The following ATF6 variants were observed in gnomAD, a reference collection of about 807,000 sequenced individuals.
ATF6 encodes the protein activating transcription factor 6, also known as cyclic AMP-dependent transcription factor ATF-6 alpha.
ATF6 carries 53 observed loss-of-function variants against 83.6 expected under a neutral mutation model. That is an observed-to-expected ratio of 0.63 (90% CI 0.51 to 0.80). ATF6 has a LOEUF of 0.80. Among genes scored for constraint, ATF6 ranks in the 30% least tolerant of loss-of-function variants. The pLI, the probability that ATF6 is intolerant of heterozygous loss-of-function variation, is 0.00. For synonymous variants in ATF6, 288 were observed against 285.8 expected, an observed-to-expected ratio of 1.01 and a Z score of -0.08; for missense variants, 744 against 797.9, an observed-to-expected ratio of 0.93 and a Z score of 0.81.
intron 1 of ATF6, among the ~76,000 whole-genome samples, chr1:161,767,461 C>T (rs1684291087): frequency 1.3e-5 from 2 of 152,116 alleles, no homozygotes; most frequent in South Asian, 4.1e-4. Context: ...ATTTTTTATT[C>T]CCATTTTCCC....
chr1:161,902,441 C>T (rs774675097), intron 14 of ATF6, among the ~76,000 whole-genome samples: 8 of 152,228 alleles, frequency 5.3e-5, no homozygotes, highest in African/African-American at 2.4e-5. Context: ...CTGTATGTGG[C>T]GGTGAAGAAT....
chr1:161,898,006 T>A (rs906831472), intron 14 of ATF6, among the ~76,000 whole-genome samples: 4 of 152,196 alleles, frequency 2.6e-5, no homozygotes, highest in Non-Finnish European at 4.4e-5. Context: ...CTAAACCTGC[T>A]CTTGTGGTAT....
intron 15 of ATF6, among the ~76,000 whole-genome samples, chr1:161,945,548 C>T (rs967853636): frequency 1.3e-5 from 2 of 152,136 alleles, no homozygotes; most frequent in Non-Finnish European, 2.9e-5. Flanking sequence ...ATCCTTACTG[C>T]GTTTATTCTT....
At chr1:161,783,556 A>T (rs886543703) in intron 3 of ATF6, among the ~76,000 whole-genome samples, 27 of 151,988 alleles carry the variant, frequency 1.8e-4, no homozygotes, top group Admixed American at 4.6e-4. Context: ...ATTTTTTTAA[A>T]TTTTTTGGGA....
chr1:161,800,710 C>A (rs934623522), intron 6 of ATF6, among the ~76,000 whole-genome samples: 1 of 152,164 alleles, frequency 6.6e-6, no homozygotes, highest in African/African-American at 2.4e-5. Context: ...CTACTGTACC[C>A]TCTATTTTAT....
At chr1:161,886,488 A>G (rs1330049945) in intron 14 of ATF6, among the ~76,000 whole-genome samples, 1 of 152,268 alleles carries the variant, frequency 6.6e-6, no homozygotes, top group Non-Finnish European at 1.5e-5. Context: ...GTCATAGAGT[A>G]TACTTACACA....
chr1:161,899,954 T>C (rs1687748999), intron 14 of ATF6, among the ~76,000 whole-genome samples: 1 of 152,192 alleles, frequency 6.6e-6, no homozygotes, highest in South Asian at 2.1e-4. Context: ...AGTTCCCAGC[T>C]GGGACCACTG....
At chr1:161,790,693 T>G (rs1684854055) in intron 4 of ATF6, among the ~76,000 whole-genome samples, 4 of 152,078 alleles carry the variant, frequency 2.6e-5, no homozygotes, top group Admixed American at 2.6e-4. Flanking sequence ...CATCTGTGGT[T>G]GTAGCTACTC....
chr1:161,906,084 C>T (rs960893496), intron 14 of ATF6, among the ~76,000 whole-genome samples: 76 of 152,284 alleles, frequency 5.0e-4, no homozygotes, highest in Middle Eastern at 3.4e-3. Context: ...CCATCTGCCT[C>T]GGCCTCCGAA....
At chr1:161,831,344 G>C (rs534718607) in intron 9 of ATF6, among the ~76,000 whole-genome samples, 21 of 152,304 alleles carry the variant, frequency 1.4e-4, no homozygotes, top group Admixed American at 2.6e-4. Context: ...TACACTGTTG[G>C]TGGGACTGTA....
rs149678207 is a variant in ATF6, at chr1:161,828,655, A to T, written c.1187+7494A>T. On this transcript the variant is annotated intron_variant, in intron 9 of 15. Transcript: ENST00000367942. ...CTATCTTGGTTTTGGCTTTAGTTAG[A>T]GTGGAAACAAATGAAAAGTCTTTCC... is the stretch of plus-strand genomic sequence containing the variant. Among the ~76,000 whole-genome samples, 681 of 152,328 alleles carry T rather than the reference A, an allele frequency of 4.5e-3. 4 individuals carry two copies. The highest frequency in any genetic ancestry group is 6.9e-3 in the Non-Finnish European group (471 of 68,032).
intron 15 of ATF6, among the ~76,000 whole-genome samples, chr1:161,942,045 T>G (rs916629601): frequency 6.6e-6 from 1 of 152,150 alleles, no homozygotes; most frequent in Non-Finnish European, 1.5e-5. Flanking sequence ...CTGGGTAATG[T>G]TTTCAAAATA....
intron 14 of ATF6, among the ~76,000 whole-genome samples, chr1:161,866,441 A>C (rs915372828): frequency 6.6e-6 from 1 of 152,174 alleles, no homozygotes; most frequent in Non-Finnish European, 1.5e-5. Context: ...CAGCAAGAAA[A>C]AATGCTTATG....
At chr1:161,930,997 C>T (rs573919161) in intron 15 of ATF6, among the ~76,000 whole-genome samples, 37 of 152,104 alleles carry the variant, frequency 2.4e-4, no homozygotes, top group Non-Finnish European at 4.9e-4. Flanking sequence ...GGTTCAGTCT[C>T]TCCTGAGTAG....
At chr1:161,898,075 A>G (rs1687711845) in intron 14 of ATF6, among the ~76,000 whole-genome samples, 1 of 152,158 alleles carries the variant, frequency 6.6e-6, no homozygotes, top group Non-Finnish European at 1.5e-5. Context: ...GTAAATTTTT[A>G]TTGATTCGTC....
chr1:161,767,585 C>T (rs907574267), intron 1 of ATF6, among the ~76,000 whole-genome samples: 2 of 152,140 alleles, frequency 1.3e-5, no homozygotes, highest in Non-Finnish European at 2.9e-5. Context: ...CAATGAGGTA[C>T]TGTTTATTTT....
intron 15 of ATF6, among the ~76,000 whole-genome samples, chr1:161,915,538 C>T (rs1165585198): frequency 6.6e-6 from 1 of 152,172 alleles, no homozygotes; most frequent in Non-Finnish European, 1.5e-5. Flanking sequence ...TCACAGTGCT[C>T]AAAGACTTTA....
At chr1:161,833,656 G>A (rs1686132688) in intron 9 of ATF6, among the ~76,000 whole-genome samples, 1 of 152,176 alleles carries the variant, frequency 6.6e-6, no homozygotes, top group African/African-American at 2.4e-5. Flanking sequence ...AAGGGTATCA[G>A]CGATGGAAGA....
chr1:161,771,717 GA>G (rs1180991103), intron 1 of ATF6, among the ~76,000 whole-genome samples: 1 of 152,104 alleles, frequency 6.6e-6, no homozygotes, highest in African/African-American at 2.4e-5. Context: ...GGGGTCAAAG[GA>G]TCCTCCTGCC....
Sources: allele counts gnomAD v4.1 joint callset (sites outside exome capture counted in the v4.1 genomes callset), GRCh38; gene constraint gnomAD v4.1.1; transcripts MANE v1.5; gene names NCBI Gene and HGNC (gene_info 2026-07-23, HGNC 2026-07-21).